Variants in TSPAN2 observed in about 807,000 individuals in gnomAD.
TSPAN2 encodes tetraspanin-2.
A neutral mutation model predicts 33.3 loss-of-function variants in TSPAN2; 24 were observed. The ratio of observed to expected loss-of-function variants is 0.72; its 90% CI spans 0.52 to 1.01. The LOEUF (loss-of-function observed/expected upper bound fraction) is 1.01. TSPAN2 is among the 50% of genes least tolerant of loss of function. The pLI, the probability that TSPAN2 is intolerant of heterozygous loss-of-function variation, is 0.00. For missense variants in TSPAN2, 278 were observed against 281.3 expected, an observed-to-expected ratio of 0.99 and a Z score of 0.08; for synonymous variants, 114 against 104.5, an observed-to-expected ratio of 1.09 and a Z score of -0.56.
At chr1:115,052,309 C>G (rs541649616) in intron 7 of TSPAN2, among the ~76,000 whole-genome samples, 2 of 152,216 alleles carry the variant, frequency 1.3e-5, no homozygotes, top group African/African-American at 4.8e-5. Context: ...GATTTCCTCA[C>G]AATTCCCACA....
At position 115,062,212 on chromosome 1, in the gene TSPAN2, C is replaced by T. The variant is rs1182644036; in HGVS notation, c.193G>A (p.Ala65Thr). 2 of 1,593,976 alleles carry T rather than the reference C, an allele frequency of 1.3e-6. No individual in the cohort carries two copies. The change falls in exon 3 of 8, where the codon GCC (alanine) becomes ACC (threonine). Residue 65 changes from alanine to threonine, a missense_variant. By Grantham distance (58) the Ala-to-Thr change is moderately conservative. Transcript: ENST00000369516. ...CCCACGGCCATCATCAGGGCCCCGG[C>T]TCCAACCAGAACATACAGCCCTGTG... The part of the protein sequence containing the change: ...FYVGLYVLVG[A>T]GALMMAVGFF...
At chr1:115,062,097 CA>C in intron 3 of TSPAN2, 37 bp downstream of exon 3, 1 of 1,470,112 alleles carries the variant, frequency 6.8e-7, no homozygotes, top group Non-Finnish European at 9.3e-7. Context: ...GCCGCTCCCT[CA>C]CCCCCACCCC....
chr1:115,081,664 A>G (rs1648630017), intron 1 of TSPAN2, among the ~76,000 whole-genome samples: 1 of 152,170 alleles, frequency 6.6e-6, no homozygotes, highest in South Asian at 2.1e-4. Flanking sequence ...CTGCAAAGTG[A>G]AGGTAATAAT....
At chr1:115,058,769 G>A in intron 5 of TSPAN2, 114 bp downstream of exon 5, 1 of 908,640 alleles carries the variant, frequency 1.1e-6, no homozygotes. Context: ...AATAGGTGGT[G>A]CTACTTGGCT....
In TSPAN2 at chr1:115,051,549, T is replaced by C. The variant is rs552655739; in HGVS notation, c.601-994A>G. ...TCTTCTTGTCCGCTATTATTTCCCC[T>C]ACAATTTTGTAGAGCCCATGGAACC... On this transcript the variant is annotated intron_variant, in intron 7 of 7. Coordinates refer to ENST00000369516, the MANE Select transcript of TSPAN2 (RefSeq NM_005725.6). Among the ~76,000 whole-genome samples the C allele has an allele frequency of 1.2e-4, 18 of 152,304 alleles. No homozygotes were observed. The South Asian group carries it at 3.7e-3, about 32-fold the overall frequency.
chr1:115,051,023 G>A (rs1221234638), intron 7 of TSPAN2, among the ~76,000 whole-genome samples: 1 of 152,154 alleles, frequency 6.6e-6, no homozygotes, highest in Non-Finnish European at 1.5e-5. Flanking sequence ...CAAAAATGGA[G>A]TATCAGCTGG....
chr1:115,053,341 T>G (rs773273540), intron 7 of TSPAN2, 38 bp downstream of exon 7: 1 of 1,587,138 alleles, frequency 6.3e-7, no homozygotes, highest in South Asian at 1.1e-5. Context: ...TCAAGGCTTT[T>G]TAGAGGGCAA....
chr1:115,050,409 G>T lies in TSPAN2; in HGVS notation c.*81C>A. On this transcript the variant is annotated 3_prime_UTR_variant, in exon 8 of 8. Transcript: ENST00000369516. The stretch of plus-strand genomic sequence containing the variant: ...TATTTTAGATCCTAATGTCATTTCA[G>T]TGTTAAAAATGAGCTGGGAGACAGC... The T allele has an allele frequency of 2.5e-6, 3 of 1,187,200 alleles. No homozygotes were observed. Among genetic ancestry groups the T allele is most frequent in the South Asian group, 2.4e-5 (2 of 81,892 alleles). The allele number at this position is 1,187,200 out of a possible 1,614,324, so 73.5% of individuals were successfully genotyped here.
At chr1:115,059,996 C>T (rs1647650645) in intron 4 of TSPAN2, among the ~76,000 whole-genome samples, 1 of 152,144 alleles carries the variant, frequency 6.6e-6, no homozygotes, top group Admixed American at 6.5e-5. Flanking sequence ...CTATTCTGGA[C>T]ACCTAGAGTT....
Position 115,057,568 on chromosome 1 carries a change from G to A in TSPAN2, c.485C>T (p.Pro162Leu), listed in dbSNP as rs755451983. ...TCCTAGAAGCTCCTTTGGGCATGTA[G>A]GTTGGACCTGTTCGGAGCTTTCTTT... ...CGKESSEQVQPTCPKELLGHK... is the reference protein window; with the variant it reads ...CGKESSEQVQLTCPKELLGHK... Residue 162 changes from proline (P) to leucine (L), a missense_variant, in exon 6 of 8, where the codon CCT (proline) becomes CTT (leucine). Transcript: ENST00000369516. 3.1e-6 allele frequency: 5 copies of A among 1,614,030 alleles called. No homozygotes were observed. In the African/African-American group the frequency reaches 6.7e-5, roughly 22 times the overall value.
chr1:115,048,495 A>G lies in TSPAN2; in HGVS notation c.*1995T>C, dbSNP rs1411683050. 1.3e-5 allele frequency: 2 copies of G among 151,908 alleles called. No individual in the cohort carries two copies. Among genetic ancestry groups the G allele is most frequent in the East Asian group, 3.9e-4 (2 of 5,180 alleles). 9.4% of individuals were successfully genotyped at this position (151,908 alleles called of 1,614,324 possible). ...GAACCCTTCTCTTCTACTTTAATTAATTTCATTTTAAATTTATTTATTTCT... is the reference window on the plus strand; with the variant it reads ...GAACCCTTCTCTTCTACTTTAATTAGTTTCATTTTAAATTTATTTATTTCT... On this transcript the variant is annotated 3_prime_UTR_variant, in exon 8 of 8. Transcript: ENST00000369516.
intron 2 of TSPAN2, among the ~76,000 whole-genome samples, chr1:115,063,947 T>C (rs1647837140): frequency 6.6e-6 from 1 of 152,098 alleles, no homozygotes; most frequent in Non-Finnish European, 1.5e-5. Context: ...GATACTATAT[T>C]CATTACCTCA....
intron 2 of TSPAN2, among the ~76,000 whole-genome samples, chr1:115,063,638 A>C (rs4611010): frequency 0.58 from 87,884 of 152,058 alleles, 25,575 homozygotes; most frequent in South Asian, 0.74. Flanking sequence ...CACAACGGCA[A>C]AGGTATGGAA....
At chr1:115,054,643 C>G (rs896827168) in intron 6 of TSPAN2, among the ~76,000 whole-genome samples, 2 of 151,828 alleles carry the variant, frequency 1.3e-5, no homozygotes, top group African/African-American at 4.9e-5. Flanking sequence ...AAGCACACTC[C>G]TGACTCCTTT....
Position 115,089,477 on chromosome 1 carries a change from C to A in TSPAN2, c.-45G>T, listed in dbSNP as rs773831922. The A allele has an allele frequency of 5.1e-6, 7 of 1,375,834 alleles. No homozygotes were observed. Among genetic ancestry groups the A allele is most frequent in the Non-Finnish European group, 5.7e-6 (6 of 1,051,234 alleles). 85.2% of individuals were successfully genotyped at this position (1,375,834 alleles called of 1,614,324 possible). A position where few individuals can be genotyped will look rare whatever the true frequency, so the allele number is the denominator to read the frequency against. ...ATCCCCAGTCCCCAGGCCCGCGCTA[C>A]GAGCGCGGGGAGCGGCAGGCTCCGG... is the stretch of plus-strand genomic sequence containing the variant. On this transcript the variant is annotated 5_prime_UTR_variant, in exon 1 of 8. Coordinates refer to ENST00000369516, the MANE Select transcript of TSPAN2 (RefSeq NM_005725.6).
Position 115,050,317 on chromosome 1 carries a change from A to G in TSPAN2, c.*173T>C. ...TCTCAGTCATCATAAACAGGCATTC[A>G]CTCAAGGGGTAAACCAGTAATGAGC... On this transcript the variant is annotated 3_prime_UTR_variant, in exon 8 of 8. Coordinates refer to ENST00000369516, the MANE Select transcript of TSPAN2 (RefSeq NM_005725.6). The G allele has an allele frequency of 1.5e-6, 1 of 659,438 alleles. No individual in the cohort carries two copies. The highest frequency in any genetic ancestry group is 1.7e-5 in the South Asian group (1 of 59,982). The allele number at this position is 659,438 out of a possible 1,614,324, so 40.8% of individuals were successfully genotyped here.
At chr1:115,060,397 A>G in intron 4 of TSPAN2, 67 bp downstream of exon 4, 4 of 1,284,964 alleles carry the variant, frequency 3.1e-6, no homozygotes, top group Non-Finnish European at 4.5e-6. Flanking sequence ...TCTTAACACT[A>G]TTGTGGGTAT....
At position 115,060,550 on chromosome 1, in the gene TSPAN2, A is replaced by G; in HGVS notation, c.271-12T>C. 6.2e-7 allele frequency: 1 copy of G among 1,602,050 alleles called. No individual in the cohort carries two copies. Among genetic ancestry groups the G allele is most frequent in the Non-Finnish European group, 8.5e-7 (1 of 1,171,340 alleles). On this transcript the variant is annotated splice_polypyrimidine_tract_variant and intron_variant, in intron 3 of 7. Transcript: ENST00000369516. The stretch of plus-strand genomic sequence containing the variant: ...AGGCAGGTAAAAAACTGTAGAGGAG[A>G]GAAAATACTAATTTCATTAATTTAA...
chr1:115,068,278 C>T (rs1648028418), intron 2 of TSPAN2, among the ~76,000 whole-genome samples: 1 of 152,174 alleles, frequency 6.6e-6, no homozygotes, highest in African/African-American at 2.4e-5. Flanking sequence ...TGATCTTTAT[C>T]ACAGGAAGGG....
Sources: gnomAD v4.1 joint callset for allele counts (sites outside exome capture counted in the v4.1 genomes callset) on GRCh38, gnomAD v4.1.1 for gene constraint, MANE v1.5 for transcripts, NCBI Gene and HGNC (gene_info 2026-07-23, HGNC 2026-07-21) for gene names.